Variants in UBA5 observed in about 807,000 individuals in gnomAD.
The protein encoded by UBA5 is ubiquitin like modifier activating enzyme 5.
Under a neutral mutation model 52.9 loss-of-function variants are expected in UBA5, and 28 were observed. The ratio of observed to expected loss-of-function variants is 0.53; its 90% CI spans 0.39 to 0.73. UBA5 has a LOEUF of 0.73. Ranked by LOEUF, UBA5 falls within the 30% of genes least tolerant of loss-of-function variation. The pLI is 0.00. For missense variants in UBA5, 388 were observed against 492.7 expected (o/e 0.79, Z 2.01); for synonymous variants, 135 against 162.1 (o/e 0.83, Z 1.27).
chr3:132,661,220 A>T (rs1277003419), intron 1 of UBA5, among the ~76,000 whole-genome samples: 1 of 152,188 alleles, frequency 6.6e-6, no homozygotes, highest in Non-Finnish European at 1.5e-5. Context: ...AACAAAGCTT[A>T]TCAATTCAGC....
chr3:132,662,498 G>C (rs1938209958), intron 1 of UBA5, among the ~76,000 whole-genome samples: 1 of 152,180 alleles, frequency 6.6e-6, no homozygotes, highest in African/African-American at 2.4e-5. Flanking sequence ...TTATGATAAA[G>C]TACAGTGTTA....
Position 132,660,662 on chromosome 3 carries a change from AG to A in UBA5, c.126del (p.Met43Ter), listed in dbSNP as rs1938106078. On this transcript the variant is annotated frameshift_variant, in exon 1 of 12. Transcript: ENST00000356232. LOFTEE classifies it high-confidence loss of function. This position sits in a 1 kb window ranked among gnomAD's most constrained non-coding sequence, Gnocchi z 4.1. ...DGGGGRVRIEKMSSEVVDSNP... is the reference protein window; with the variant it reads ...DGGGGRVRIEXMSSEVVDSNP... ...GGGGGCGGCCGGGTCCGCATCGAGA[AG>A]ATGAGCTCAGAGGTGGTGGATTCGA... is the stretch of plus-strand genomic sequence containing the variant. The A allele has an allele frequency of 5.1e-6, 8 of 1,576,014 alleles. No homozygotes were observed. The highest frequency in any genetic ancestry group is 6.9e-6 in the Non-Finnish European group (8 of 1,161,382).
At chr3:132,667,276 C>A (rs1576643720) in intron 3 of UBA5, 1 of 152,160 alleles carries the variant, frequency 6.6e-6, no homozygotes, top group African/African-American at 2.4e-5. Context: ...CTCTAACAAG[C>A]TTCAGGTGAT....
At chr3:132,659,882 C>A, upstream of UBA5, 1 of 1,141,538 alleles carries the variant, frequency 8.8e-7, no homozygotes, top group Non-Finnish European at 1.2e-6. Flanking sequence ...GCCAACCGCA[C>A]ACAGCCTACG....
intron 8 of UBA5, among the ~76,000 whole-genome samples, chr3:132,674,468 G>A (rs1009265638): frequency 6.6e-6 from 1 of 152,156 alleles, no homozygotes; most frequent in East Asian, 1.9e-4. Flanking sequence ...CAGGCGGATT[G>A]CTTGAGCCCA....
At chr3:132,657,357 T>C (rs1038681442), upstream of UBA5, among the ~76,000 whole-genome samples, 1 of 152,238 alleles carries the variant, frequency 6.6e-6, no homozygotes, top group Non-Finnish European at 1.5e-5. Flanking sequence ...GCTAATATCA[T>C]ACCATCTTAA....
At chr3:132,670,721 C>CGAAG (rs1938563688) in intron 5 of UBA5, 1 of 294,476 alleles carries the variant, frequency 3.4e-6, no homozygotes, top group Admixed American at 4.9e-5. Flanking sequence ...CTTTATACTT[C>CGAAG]CTTCACCCTT....
chr3:132,659,565 A>C (rs1330292610), upstream of UBA5: 2 of 1,607,960 alleles, frequency 1.2e-6, no homozygotes, highest in Non-Finnish European at 1.7e-6. Context: ...TCAATGTACA[A>C]ATTTTTTTCC....
chr3:132,655,330 TTTG>T (rs1304562104), upstream of UBA5, among the ~76,000 whole-genome samples: 572 of 152,298 alleles, frequency 3.8e-3, 2 homozygotes, highest in African/African-American at 0.013. Flanking sequence ...TGTTTGTTTG[TTTG>T]TTTAAAGATT....
upstream of UBA5, among the ~76,000 whole-genome samples, chr3:132,658,102 A>G (rs974473458): frequency 3.9e-5 from 6 of 152,116 alleles, no homozygotes; most frequent in African/African-American, 1.2e-4. Context: ...ACCTCAAGTG[A>G]TCCACGTGCC....
chr3:132,673,393 GC>G (rs550342978), intron 8 of UBA5, among the ~76,000 whole-genome samples: 84 of 152,186 alleles, frequency 5.5e-4, no homozygotes, highest in African/African-American at 2.0e-3. Context: ...TGTTGCCCAA[GC>G]TGAAGTTCAG....
At chr3:132,671,113 G>A (rs1395238787) in intron 6 of UBA5, 64 bp downstream of exon 6, 2 of 1,375,512 alleles carry the variant, frequency 1.5e-6, no homozygotes, top group Non-Finnish European at 1.0e-6. Context: ...TATTCTATCA[G>A]TATATAATCC....
At chr3:132,670,894 A>T in intron 5 of UBA5, 71 bp from the exon 6 acceptor site, 1 of 1,077,314 alleles carries the variant, frequency 9.3e-7, no homozygotes, top group Non-Finnish European at 1.4e-6. Context: ...TGTTGGACTG[A>T]ACAAGTAAGT....
upstream of UBA5, chr3:132,659,781 C>A: frequency 6.4e-7 from 1 of 1,565,308 alleles, no homozygotes; most frequent in Non-Finnish European, 8.7e-7. Flanking sequence ...AGCAACGCGG[C>A]ATCCACAGGT....
chr3:132,661,093 G>T, intron 1 of UBA5: 1 of 1,298,080 alleles, frequency 7.7e-7, no homozygotes, highest in African/African-American at 1.5e-5. Flanking sequence ...CATCTTAAAT[G>T]GGGTCGGGGC....
rs951494130 is a variant in UBA5 at position 132,660,374 on chromosome 3, G to C, written c.-164G>C. ...GAAGGCCTGTGGGAGTCTCGGAGAC[G>C]TGTCTGTCTGTGAGGCGCTGGGTGC... On this transcript the variant is annotated 5_prime_UTR_variant, in exon 1 of 12. Transcript: ENST00000356232. This position sits in a 1 kb window ranked among gnomAD's most constrained non-coding sequence, Gnocchi z 4.1. 1.1e-5 allele frequency: 9 copies of C among 841,016 alleles called. No individual in the cohort carries two copies. The highest frequency in any genetic ancestry group is 1.6e-5 in the Non-Finnish European group (9 of 556,392). The allele number at this position is 841,016 out of a possible 1,614,324, so 52.1% of individuals were successfully genotyped here. A position where few individuals can be genotyped will look rare whatever the true frequency, so the allele number is the denominator to read the frequency against.
rs1382960608 is a variant in UBA5, at chr3:132,670,959, G to C, written c.495-6G>C. ...GATGTTTTTCAAACTTATTTTCTTT[G>C]ACTAGTAATGGTGGGTTAGAAGAAG... is the stretch of plus-strand genomic sequence containing the variant. On this transcript the variant is annotated splice_polypyrimidine_tract_variant and splice_region_variant and intron_variant, in intron 5 of 11. Coordinates refer to ENST00000356232, the MANE Select transcript of UBA5 (RefSeq NM_024818.6). 6.2e-7 allele frequency: 1 copy of C among 1,611,608 alleles called. No homozygotes were observed. The highest frequency in any genetic ancestry group is 2.2e-5 in the East Asian group (1 of 44,708).
intron 8 of UBA5, among the ~76,000 whole-genome samples, chr3:132,674,432 A>G (rs576630808): frequency 6.6e-6 from 1 of 152,364 alleles, no homozygotes; most frequent in East Asian, 1.9e-4. Flanking sequence ...TCACGCCTGT[A>G]ATCCCAACAA....
rs1225127974 is a variant in UBA5, at chr3:132,672,042, T to C, written c.685-8T>C. The C allele has an allele frequency of 6.2e-7, 1 of 1,612,510 alleles. No individual in the cohort carries two copies. The highest frequency in any genetic ancestry group is 2.2e-5 in the East Asian group (1 of 44,858). The stretch of plus-strand genomic sequence containing the variant: ...TTTTTTTTGAAATGTGTTTTATTTT[T>C]CATGTAGTGTGCTCCACCACTTGTA... On this transcript the variant is annotated splice_region_variant and splice_polypyrimidine_tract_variant and intron_variant, in intron 7 of 11. Transcript: ENST00000356232.
Sources: gnomAD v4.1 joint callset for allele counts (sites outside exome capture counted in the v4.1 genomes callset) on GRCh38, gnomAD v4.1.1 for gene constraint, Gnocchi (gnomAD v3.1) non-coding constraint, MANE v1.5 for transcripts, NCBI Gene and HGNC (gene_info 2026-07-23, HGNC 2026-07-21) for gene names.